Variants in TRPC4AP observed in about 807,000 individuals in gnomAD.
TRPC4AP encodes the protein transient receptor potential cation channel subfamily C member 4 associated protein, also known as short transient receptor potential channel 4-associated protein.
Under a neutral mutation model 99.0 loss-of-function variants are expected in TRPC4AP, and 45 were observed. That is an observed-to-expected ratio of 0.45 (90% confidence interval 0.36 to 0.58). The LOEUF (loss-of-function observed/expected upper bound fraction) is 0.58. TRPC4AP is among the 20% of genes least tolerant of loss of function. The pLI is 0.00. For synonymous variants in TRPC4AP, 408 were observed against 385.8 expected (o/e 1.06, Z -0.67); for missense variants, 879 against 985.3 (o/e 0.89, Z 1.44).
At chr20:35,072,799 G>T (rs1329609312) in intron 2 of TRPC4AP, among the ~76,000 whole-genome samples, 1 of 152,146 alleles carries the variant, frequency 6.6e-6, no homozygotes, top group Non-Finnish European at 1.5e-5. Flanking sequence ...CTTTAAAGTA[G>T]TTTTTTCCAA....
chr20:35,008,723 C>T lies in TRPC4AP; in HGVS notation c.1536G>A (p.Arg512=), dbSNP rs763539589. 1.9e-6 allele frequency: 3 copies of T among 1,613,988 alleles called. No individual in the cohort carries two copies. In the East Asian group the frequency reaches 6.7e-5, roughly 36 times the overall value. ...CCTGCAGCAGACGAGTTAATAAGCC[C>T]CTCTTCCCATCACACACCAAACTCC... ...TDRSLVCDGK[R]GLLTRLLQVM... The change falls in exon 13 of 19, where the codon AGG becomes AGA. Residue 512 remains arginine, a synonymous_variant. Transcript: ENST00000252015.
chr20:35,084,617 T>TG (rs1330364529), intron 1 of TRPC4AP, among the ~76,000 whole-genome samples: 6 of 122,298 alleles, frequency 4.9e-5, no homozygotes, highest in Non-Finnish European at 1.0e-4. Flanking sequence ...TGTATATATG[T>TG]TTATATGCAT....
chr20:35,046,033 A>C (rs935023197), intron 6 of TRPC4AP, among the ~76,000 whole-genome samples: 2 of 152,200 alleles, frequency 1.3e-5, no homozygotes, highest in Non-Finnish European at 2.9e-5. Context: ...TGTTGCAATG[A>C]ACATTCTTAC....
rs1426745699 is a variant in TRPC4AP, at chr20:35,015,994, G to A, written c.1350+14C>T. 1 of 1,614,056 alleles carries A rather than the reference G, an allele frequency of 6.2e-7. No homozygotes were observed. The highest frequency in any genetic ancestry group is 8.5e-7 in the Non-Finnish European group (1 of 1,179,954). ...CAGTGAGGCCCCATCTGTCCCCGGG[G>A]GTCTCCTGCTTACCGGGCTACAGTC... is the stretch of plus-strand genomic sequence containing the variant. On this transcript the variant is annotated intron_variant, in intron 10 of 18. Coordinates refer to ENST00000252015, the MANE Select transcript of TRPC4AP (RefSeq NM_015638.3).
chr20:35,013,604 A>T (rs1351885533), intron 10 of TRPC4AP, among the ~76,000 whole-genome samples: 3 of 152,032 alleles, frequency 2.0e-5, no homozygotes, highest in Non-Finnish European at 2.9e-5. Context: ...AACAAACAAA[A>T]CAACACGTGT....
At chr20:35,063,329 T>C (rs2084056190) in intron 3 of TRPC4AP, among the ~76,000 whole-genome samples, 1 of 152,140 alleles carries the variant, frequency 6.6e-6, no homozygotes. Flanking sequence ...CATTGCAGCA[T>C]GAGAACGGAC....
intron 1 of TRPC4AP, among the ~76,000 whole-genome samples, chr20:35,092,044 G>C (rs889915992): frequency 6.6e-6 from 1 of 152,106 alleles, no homozygotes; most frequent in Non-Finnish European, 1.5e-5. Context: ...TGTGGGAGAC[G>C]GGCGAGAAAA....
chr20:35,063,845 T>G (rs887139623), intron 3 of TRPC4AP, among the ~76,000 whole-genome samples: 1 of 152,156 alleles, frequency 6.6e-6, no homozygotes, highest in African/African-American at 2.4e-5. Context: ...TGTGACACAG[T>G]GCAACTCTAT....
chr20:35,014,473 C>T (rs1248395761), intron 10 of TRPC4AP, among the ~76,000 whole-genome samples: 1 of 152,014 alleles, frequency 6.6e-6, no homozygotes, highest in Non-Finnish European at 1.5e-5. Flanking sequence ...ACACTCCACC[C>T]TGAGGTCTGA....
chr20:35,084,011 G>C (rs2084727442), intron 1 of TRPC4AP, among the ~76,000 whole-genome samples: 1 of 151,228 alleles, frequency 6.6e-6, no homozygotes, highest in Non-Finnish European at 1.5e-5. Context: ...TAAGTATACA[G>C]AAAGCAGGCC....
intron 5 of TRPC4AP, 114 bp from the exon 6 acceptor site, chr20:35,050,108 T>C: frequency 8.6e-7 from 1 of 1,160,764 alleles, no homozygotes; most frequent in Non-Finnish European, 1.2e-6. Context: ...CTGGCATGAG[T>C]CAACAAAACA....
At chr20:35,064,733 C>T (rs1452710780) in intron 3 of TRPC4AP, among the ~76,000 whole-genome samples, 1 of 152,166 alleles carries the variant, frequency 6.6e-6, no homozygotes, top group African/African-American at 2.4e-5. Context: ...TAAGGTCATC[C>T]TCTAGAAAAG....
rs1555904985 is a variant in TRPC4AP, at chr20:35,024,825, C to CCAAA, written c.1052-3470_1052-3469insTTTG. ...CCTAGGTGACAGAGAGAGACCGTCT[C>CCAAA]AAAAAAAAAAAAAAAAAAAAAAAAA... is the stretch of plus-strand genomic sequence containing the variant. On this transcript the variant is annotated intron_variant, in intron 8 of 18. Coordinates refer to ENST00000252015, the MANE Select transcript of TRPC4AP (RefSeq NM_015638.3). Among the ~76,000 whole-genome samples the CCAAA allele has an allele frequency of 2.3e-3, 84 of 35,852 alleles. 13 individuals are homozygous for CCAAA. Among genetic ancestry groups the CCAAA allele is most frequent in the East Asian group, 3.8e-3 (4 of 1,046 alleles). 23.5% of individuals were successfully genotyped at this position (35,852 alleles called of 152,430 possible). A position where few individuals can be genotyped will look rare whatever the true frequency, so the allele number is the denominator to read the frequency against.
At chr20:35,086,539 G>GTATATATATATA (rs1569158071) in intron 1 of TRPC4AP, among the ~76,000 whole-genome samples, 2 of 16,278 alleles carry the variant, frequency 1.2e-4, no homozygotes, top group African/African-American at 2.6e-4. Context: ...GTGTGTGTGT[G>GTATATATATATA]TGTGTGTGTG....
chr20:35,092,560 C>G, intron 1 of TRPC4AP, 54 bp downstream of exon 1: 2 of 1,408,636 alleles, frequency 1.4e-6, no homozygotes, highest in Non-Finnish European at 1.8e-6. Flanking sequence ...CCCGGCCCCC[C>G]GCCAGCTCCC....
At chr20:35,012,855 C>A (rs2082668428) in intron 11 of TRPC4AP, among the ~76,000 whole-genome samples, 153 bp downstream of exon 11, 1 of 152,234 alleles carries the variant, frequency 6.6e-6, no homozygotes, top group African/African-American at 2.4e-5. Context: ...GGAGGTCCGA[C>A]TGCAGTGTCA....
chr20:35,057,446 G>C (rs2083863544), intron 4 of TRPC4AP, 68 bp downstream of exon 4: 1 of 1,286,914 alleles, frequency 7.8e-7, no homozygotes, highest in East Asian at 2.3e-5. Flanking sequence ...GAAGAAGGCA[G>C]CTGCTGGGAA....
chr20:35,080,644 G>T (rs1377028994), intron 1 of TRPC4AP, among the ~76,000 whole-genome samples: 1 of 151,200 alleles, frequency 6.6e-6, no homozygotes. Context: ...GAGACAGAAA[G>T]ATCACTGGTT....
chr20:35,005,959 C>G (rs533719933), intron 15 of TRPC4AP, among the ~76,000 whole-genome samples, 156 bp from the exon 16 acceptor site: 80 of 152,338 alleles, frequency 5.3e-4, no homozygotes, highest in African/African-American at 1.9e-3. Context: ...GGGACCTCCC[C>G]TCACCACCCA....
Sources: allele counts gnomAD v4.1 joint callset (sites outside exome capture counted in the v4.1 genomes callset), GRCh38; gene constraint gnomAD v4.1.1; transcripts MANE v1.5; gene names NCBI Gene and HGNC (gene_info 2026-07-23, HGNC 2026-07-21).